The following PIP5K1A variants were observed in gnomAD, a reference collection of about 807,000 sequenced individuals.
The protein encoded by PIP5K1A is phosphatidylinositol 4-phosphate 5-kinase type-1 alpha.
In PIP5K1A, 46 loss-of-function variants were observed where a neutral mutation model predicts 72.9. That is an observed-to-expected ratio of 0.63 (90% confidence interval 0.50 to 0.81). PIP5K1A has a LOEUF of 0.81. Ranked by LOEUF, PIP5K1A falls within the 30% of genes least tolerant of loss-of-function variation. The pLI is 0.00. For missense variants in PIP5K1A, 458 were observed against 706.1 expected, an observed-to-expected ratio of 0.65 and a Z score of 3.98; for synonymous variants, 228 against 255.1, an observed-to-expected ratio of 0.89 and a Z score of 1.01.
intron 1 of PIP5K1A, among the ~76,000 whole-genome samples, chr1:151,200,082 C>G (rs919399246): frequency 6.6e-6 from 1 of 151,772 alleles, no homozygotes; most frequent in African/African-American, 2.4e-5. Context: ...AAATTAAGGT[C>G]AAAGACCTTA....
rs1692782899 is a variant in PIP5K1A, at chr1:151,248,326, T to C, written c.*461T>C. On this transcript the variant is annotated 3_prime_UTR_variant, in exon 16 of 16. Transcript: ENST00000368888. ...TTCTCTCTGACTCCTGGAAGAATACTCCTGTAATCTCTGTAAAGGTTTTTG... is the reference window on the plus strand; with the variant it reads ...TTCTCTCTGACTCCTGGAAGAATACCCCTGTAATCTCTGTAAAGGTTTTTG... The C allele has an allele frequency of 6.3e-6, 1 of 159,958 alleles. No homozygotes were observed. Among genetic ancestry groups the C allele is most frequent in the Non-Finnish European group, 1.4e-5 (1 of 73,074 alleles). 9.9% of individuals were successfully genotyped at this position (159,958 alleles called of 1,614,324 possible).
chr1:151,236,828 T>C (rs1690950405), intron 9 of PIP5K1A, 65 bp downstream of exon 9: 12 of 1,065,634 alleles, frequency 1.1e-5, no homozygotes, highest in South Asian at 1.6e-5. Flanking sequence ...TTTCTTTTTT[T>C]TTTTTTTTTT....
chr1:151,226,780 A>G (rs1233185973), intron 3 of PIP5K1A, among the ~76,000 whole-genome samples: 1 of 151,734 alleles, frequency 6.6e-6, no homozygotes, highest in Non-Finnish European at 1.5e-5. Context: ...TAATCCCAGC[A>G]CTTTGGGAGG....
chr1:151,245,694 C>A (rs775223668), intron 14 of PIP5K1A, among the ~76,000 whole-genome samples: 3 of 152,122 alleles, frequency 2.0e-5, no homozygotes, highest in Non-Finnish European at 4.4e-5. Context: ...CACCATCATG[C>A]CTGGCTAATT....
intron 1 of PIP5K1A, among the ~76,000 whole-genome samples, chr1:151,203,005 G>A (rs2101881638): frequency 6.6e-6 from 1 of 152,218 alleles, no homozygotes; most frequent in African/African-American, 2.4e-5. Context: ...CTGACCTCAG[G>A]TGATCCTCTC....
At position 151,198,572 on chromosome 1, in the gene PIP5K1A, G is replaced by A. The variant is rs1187616044; in HGVS notation, c.-425G>A. 1 of 200,258 alleles carries A rather than the reference G, an allele frequency of 5.0e-6. No homozygotes were observed. Among genetic ancestry groups the A allele is most frequent in the Non-Finnish European group, 1.0e-5 (1 of 95,566 alleles). The allele number at this position is 200,258 out of a possible 1,614,324, so 12.4% of individuals were successfully genotyped here. A position where few individuals can be genotyped will look rare whatever the true frequency, so the allele number is the denominator to read the frequency against. On this transcript the variant is annotated 5_prime_UTR_variant, in exon 1 of 16. Transcript: ENST00000368888. ...GCTCGGATTTTTTGCTTGGCTACCCGGAGTGAAGCGGCCGGGTTGGGCGAT... is the reference window on the plus strand; with the variant it reads ...GCTCGGATTTTTTGCTTGGCTACCCAGAGTGAAGCGGCCGGGTTGGGCGAT...
chr1:151,201,878 G>T (rs1273723122), intron 1 of PIP5K1A, among the ~76,000 whole-genome samples: 2 of 151,926 alleles, frequency 1.3e-5, no homozygotes, highest in Non-Finnish European at 2.9e-5. Context: ...AAAAAAAGGG[G>T]GCAAAAAGTG....
chr1:151,219,399 A>AT (rs1688077744), intron 1 of PIP5K1A, among the ~76,000 whole-genome samples: 1 of 149,530 alleles, frequency 6.7e-6, no homozygotes. Flanking sequence ...AAAAAAAAAA[A>AT]GAAGAGGGCT....
intron 12 of PIP5K1A, among the ~76,000 whole-genome samples, chr1:151,240,962 C>G (rs761742660): frequency 6.6e-6 from 1 of 151,830 alleles, no homozygotes; most frequent in Non-Finnish European, 1.5e-5. Flanking sequence ...GTCAGGAGTT[C>G]GAGACCAGTC....
At position 151,248,118 on chromosome 1, in the gene PIP5K1A, T is replaced by TA; in HGVS notation, c.*254dup. ...TCCCCTCCACTCCAGAGTTGGGTGGTATGGATTTTCAACTGGCCAACCCTT... is the reference window on the plus strand; with the variant it reads ...TCCCCTCCACTCCAGAGTTGGGTGGTAATGGATTTTCAACTGGCCAACCCTT... On this transcript the variant is annotated 3_prime_UTR_variant, in exon 16 of 16. Transcript: ENST00000368888. 2.0e-6 allele frequency: 1 copy of TA among 507,944 alleles called. No homozygotes were observed. The highest frequency in any genetic ancestry group is 3.5e-6 in the Non-Finnish European group (1 of 285,388). 31.5% of individuals were successfully genotyped at this position (507,944 alleles called of 1,614,324 possible). A position where few individuals can be genotyped will look rare whatever the true frequency, so the allele number is the denominator to read the frequency against.
upstream of PIP5K1A, among the ~76,000 whole-genome samples, chr1:151,197,267 GTTT>G (rs201417006): frequency 3.3e-5 from 5 of 150,810 alleles, no homozygotes; most frequent in African/African-American, 1.2e-4. Context: ...TACAAAACCT[GTTT>G]TTTTTGTTTG....
intron 14 of PIP5K1A, among the ~76,000 whole-genome samples, chr1:151,245,450 C>T (rs1692357652): frequency 6.6e-6 from 1 of 152,064 alleles, no homozygotes. Flanking sequence ...TCCAAGCCAC[C>T]CCCAATGTTT....
rs1692596638 is a variant in PIP5K1A, at chr1:151,246,966, G to A, written c.1686+1G>A. 1 of 1,612,250 alleles carries A rather than the reference G, an allele frequency of 6.2e-7. No homozygotes were observed. The highest frequency in any genetic ancestry group is 8.5e-7 in the Non-Finnish European group (1 of 1,178,336). ...AGTTGCAGAGTCAGAGTTCACCCATGTGAGTATCTGGGATGTGTGGGAGGT... is the reference window on the plus strand; with the variant it reads ...AGTTGCAGAGTCAGAGTTCACCCATATGAGTATCTGGGATGTGTGGGAGGT... On this transcript the variant is annotated splice_donor_variant, in intron 15 of 15. Coordinates refer to ENST00000368888, the MANE Select transcript of PIP5K1A (RefSeq NM_001135638.2). LOFTEE classifies it high-confidence loss of function.
Position 151,247,984 on chromosome 1 carries a change from TAGA to T in PIP5K1A, c.*122_*124del. ...CTTGGTCATCAAAAAAGGAGTGTAA[TAGA>T]AGTGAGGGGAGCTGCTCCTCCATCT... is the stretch of plus-strand genomic sequence containing the variant. On this transcript the variant is annotated 3_prime_UTR_variant, in exon 16 of 16. Coordinates refer to ENST00000368888, the MANE Select transcript of PIP5K1A (RefSeq NM_001135638.2). 1 of 877,708 alleles carries T rather than the reference TAGA, an allele frequency of 1.1e-6. No homozygotes were observed. 54.4% of individuals were successfully genotyped at this position (877,708 alleles called of 1,614,324 possible).
At chr1:151,218,068 CTG>C (rs1687895180) in intron 1 of PIP5K1A, among the ~76,000 whole-genome samples, 1 of 152,166 alleles carries the variant, frequency 6.6e-6, no homozygotes, top group African/African-American at 2.4e-5. Flanking sequence ...GCGTGAGCCA[CTG>C]TGCCTGGCAG....
Position 151,246,901 on chromosome 1 carries a change from AT to A in PIP5K1A, c.1641-11del. The A allele has an allele frequency of 1.3e-5, 21 of 1,598,168 alleles. No individual in the cohort carries two copies. The highest frequency in any genetic ancestry group is 1.6e-5 in the Non-Finnish European group (19 of 1,166,608). ...TCTAATTCTTTTTCTCTCTGCTTCCATTTTTTTTCTCCTGTTAGTACAACCT... is the reference window on the plus strand; with the variant it reads ...TCTAATTCTTTTTCTCTCTGCTTCCATTTTTTTCTCCTGTTAGTACAACCT... On this transcript the variant is annotated intron_variant, in intron 14 of 15. Transcript: ENST00000368888.
intron 4 of PIP5K1A, among the ~76,000 whole-genome samples, chr1:151,231,211 C>CAA (rs33932262): frequency 3.9e-5 from 4 of 101,486 alleles, no homozygotes; most frequent in African/African-American, 1.1e-4. Flanking sequence ...GACTTAGTCT[C>CAA]AAAAAAAAAA....
At chr1:151,215,634 TA>T (rs1312045935) in intron 1 of PIP5K1A, among the ~76,000 whole-genome samples, 1 of 152,180 alleles carries the variant, frequency 6.6e-6, no homozygotes, top group Non-Finnish European at 1.5e-5. Context: ...CATTCTTTTT[TA>T]AAAGATAAAA....
intron 7 of PIP5K1A, among the ~76,000 whole-genome samples, chr1:151,232,955 C>A (rs989053255): frequency 4.6e-5 from 7 of 151,902 alleles, no homozygotes; most frequent in Admixed American, 6.6e-5. Context: ...AAAAAATTAG[C>A]CAGGCGTGGT....
Sources: allele counts gnomAD v4.1 joint callset (sites outside exome capture counted in the v4.1 genomes callset), GRCh38; gene constraint gnomAD v4.1.1; transcripts MANE v1.5; gene names NCBI Gene and HGNC (gene_info 2026-07-23, HGNC 2026-07-21).